CTDP1: variants seen among roughly 807,000 people sequenced by gnomAD.
The protein encoded by CTDP1 is RNA polymerase II subunit A C-terminal domain phosphatase.
CTDP1 carries 47 observed loss-of-function variants against 91.8 expected under a neutral mutation model. The ratio of observed to expected loss-of-function variants is 0.51; its 90% CI spans 0.41 to 0.65. The LOEUF is 0.65. CTDP1 is among the 30% of genes least tolerant of loss of function. CTDP1 has a pLI of 0.00. For synonymous variants in CTDP1, 656 were observed against 598.5 expected (o/e 1.10, Z -1.40); for missense variants, 1,272 against 1,373.7 (o/e 0.93, Z 1.17).
intron 12 of CTDP1, among the ~76,000 whole-genome samples, chr18:79,737,635 C>G (rs955126591): frequency 6.6e-6 from 1 of 152,024 alleles, no homozygotes; most frequent in Non-Finnish European, 1.5e-5. Context: ...CGTCCCGCAT[C>G]CCCCATGCAT....
At chr18:79,728,625 A>T (rs1480333550) in intron 10 of CTDP1, among the ~76,000 whole-genome samples, 2 of 98,776 alleles carry the variant, frequency 2.0e-5, no homozygotes, top group Non-Finnish European at 5.1e-5. Context: ...AGCCTGGCAG[A>T]TGCTCTCTGC....
intron 12 of CTDP1, among the ~76,000 whole-genome samples, chr18:79,752,126 C>T (rs1006269449): frequency 6.6e-6 from 1 of 152,268 alleles, no homozygotes; most frequent in African/African-American, 2.4e-5. Flanking sequence ...CCTGGGTGTG[C>T]CCCGATCAAG....
intron 1 of CTDP1, among the ~76,000 whole-genome samples, chr18:79,689,596 G>T (rs1255667569): frequency 6.6e-6 from 1 of 152,134 alleles, no homozygotes; most frequent in Non-Finnish European, 1.5e-5. Flanking sequence ...GACCAGCCTG[G>T]CCAATATGGT....
At chr18:79,696,226 CT>C (rs1192042290) in intron 3 of CTDP1, among the ~76,000 whole-genome samples, 156 bp downstream of exon 3, 1 of 152,196 alleles carries the variant, frequency 6.6e-6, no homozygotes, top group African/African-American at 2.4e-5. Flanking sequence ...GGACTGCGGC[CT>C]TCCTGAAGCA....
At chr18:79,725,880 T>TC (rs1401151391) in intron 10 of CTDP1, among the ~76,000 whole-genome samples, 2 of 152,196 alleles carry the variant, frequency 1.3e-5, no homozygotes, top group Admixed American at 6.5e-5. Context: ...TGATGAGTGA[T>TC]CTTCTGTCTT....
At chr18:79,697,451 C>T (rs1224549839) in intron 3 of CTDP1, among the ~76,000 whole-genome samples, 2 of 152,206 alleles carry the variant, frequency 1.3e-5, no homozygotes, top group Non-Finnish European at 2.9e-5. Context: ...AGGTTCTGAG[C>T]GCGGGAGATT....
chr18:79,744,660 G>C (rs1391529789), intron 12 of CTDP1, among the ~76,000 whole-genome samples: 2 of 152,230 alleles, frequency 1.3e-5, no homozygotes, highest in Non-Finnish European at 2.9e-5. Context: ...GATGCTAAGA[G>C]CTGGATCCAT....
chr18:79,720,079 C>T (rs1298366574), intron 10 of CTDP1, among the ~76,000 whole-genome samples: 8 of 135,528 alleles, frequency 5.9e-5, no homozygotes, highest in Admixed American at 1.5e-4. Context: ...CACCTCCCAT[C>T]GTGTCCTGGT....
rs529742758 is a variant in CTDP1 at position 79,734,426 on chromosome 18, C to T, written c.2581-1929C>T. Among the ~76,000 whole-genome samples, 6 of 152,302 alleles carry T rather than the reference C, an allele frequency of 3.9e-5. No homozygotes were observed. The East Asian group carries it at 5.8e-4, about 15-fold the overall frequency. On this transcript the variant is annotated intron_variant, in intron 11 of 12. Coordinates refer to ENST00000613122, the MANE Select transcript of CTDP1 (RefSeq NM_004715.5). ...GGAGATCGGAGGAGCATGATGTAGG[C>T]GAGGTCAGGTTTTAATGTGAATGTG...
intron 9 of CTDP1, 32 bp from the exon 10 acceptor site, chr18:79,717,778 C>A (rs555148606): frequency 6.2e-7 from 1 of 1,613,738 alleles, no homozygotes; most frequent in Non-Finnish European, 8.5e-7. Context: ...CCGGACGCCC[C>A]GCTCATGGCC....
chr18:79,748,859 G>A (rs893137513), intron 12 of CTDP1, among the ~76,000 whole-genome samples: 1 of 151,484 alleles, frequency 6.6e-6, no homozygotes, highest in Non-Finnish European at 1.5e-5. Context: ...GTGTCTGTGT[G>A]TGAGCCGTTC....
chr18:79,750,264 C>T (rs1172188259), intron 12 of CTDP1, among the ~76,000 whole-genome samples: 1 of 151,990 alleles, frequency 6.6e-6, no homozygotes, highest in Non-Finnish European at 1.5e-5. Context: ...AGGCTCACTG[C>T]AGCCTCCATT....
intron 12 of CTDP1, among the ~76,000 whole-genome samples, chr18:79,743,520 C>A (rs1200082332): frequency 1.1e-5 from 1 of 93,756 alleles, no homozygotes; most frequent in Non-Finnish European, 2.2e-5. Context: ...AGTGAGACTC[C>A]GTCTCCAAAA....
At chr18:79,704,947 G>T in intron 5 of CTDP1, 30 bp downstream of exon 5, 1 of 1,611,590 alleles carries the variant, frequency 6.2e-7, no homozygotes, top group Non-Finnish European at 8.5e-7. Flanking sequence ...AAGAGGCCGT[G>T]TGAACAGTGG....
intron 3 of CTDP1, 101 bp from the exon 4 acceptor site, chr18:79,697,759 G>C: frequency 6.5e-7 from 1 of 1,542,942 alleles, no homozygotes. Context: ...GGGGCTGGAG[G>C]GGAACACATT....
chr18:79,689,423 A>G (rs1341653038), intron 1 of CTDP1, among the ~76,000 whole-genome samples: 2 of 152,178 alleles, frequency 1.3e-5, no homozygotes, highest in Admixed American at 6.5e-5. Flanking sequence ...CATTTCTAGG[A>G]TGATAGTCCA....
At chr18:79,747,248 G>C (rs1317739920) in intron 12 of CTDP1, among the ~76,000 whole-genome samples, 1 of 152,186 alleles carries the variant, frequency 6.6e-6, no homozygotes, top group Non-Finnish European at 1.5e-5. Flanking sequence ...TGAGCGCCCG[G>C]CCAGCTCCCT....
intron 1 of CTDP1, among the ~76,000 whole-genome samples, chr18:79,686,725 G>A (rs549385207): frequency 3.9e-5 from 6 of 152,372 alleles, no homozygotes; most frequent in African/African-American, 1.2e-4. Context: ...ATAGACTGGC[G>A]GGAATGATGC....
rs555482969 is a variant in CTDP1 at position 79,713,613 on chromosome 18, C to T, written c.1030+475C>T. ...AGGCATGCAGCTGACGTCCACCCTA[C>T]GAAAGTTAAGTGTTTTTTGATCTTT... is the stretch of plus-strand genomic sequence containing the variant. On this transcript the variant is annotated intron_variant, in intron 7 of 12. Coordinates refer to ENST00000613122, the MANE Select transcript of CTDP1 (RefSeq NM_004715.5). This position sits in a 1 kb window ranked among gnomAD's most constrained non-coding sequence, Gnocchi z 4.7. Among the ~76,000 whole-genome samples, 2 of 152,316 alleles carry T rather than the reference C, an allele frequency of 1.3e-5. No individual in the cohort carries two copies. Among genetic ancestry groups the T allele is most frequent in the East Asian group, 1.9e-4 (1 of 5,190 alleles).
Sources: gnomAD v4.1 joint callset for allele counts (sites outside exome capture counted in the v4.1 genomes callset) on GRCh38, gnomAD v4.1.1 for gene constraint, Gnocchi (gnomAD v3.1) non-coding constraint, MANE v1.5 for transcripts, NCBI Gene and HGNC (gene_info 2026-07-23, HGNC 2026-07-21) for gene names.